The following SV2C variants were observed in gnomAD, a reference collection of about 807,000 sequenced individuals.
SV2C encodes the protein synaptic vesicle glycoprotein 2C.
In SV2C, 49 loss-of-function variants were observed where a neutral mutation model predicts 79.7. The ratio of observed to expected loss-of-function variants is 0.61; its 90% CI spans 0.49 to 0.78. SV2C has a LOEUF of 0.78. SV2C is among the 30% of genes least tolerant of loss of function. The probability of loss-of-function intolerance (pLI) is 0.00; values close to 1 mark genes in which losing one functional copy is unlikely to be tolerated. For synonymous variants in SV2C, 334 were observed against 333.2 expected (o/e 1.00, Z -0.03); for missense variants, 833 against 912.9 (o/e 0.91, Z 1.13).
chr5:75,933,769 C>G, the SV2C span, among the ~76,000 whole-genome samples: 2 of 152,196 alleles, frequency 1.3e-5, no homozygotes, highest in Non-Finnish European at 2.9e-5. Flanking sequence ...GCAGCCTGCT[C>G]CAGTTTTCTG....
the SV2C span, among the ~76,000 whole-genome samples, chr5:75,872,550 A>G: frequency 4.2e-4 from 64 of 152,258 alleles, no homozygotes; most frequent in Non-Finnish European, 7.1e-4. Context: ...GAATTGACAA[A>G]CTAGAAAAAG....
At chr5:76,167,060 T>A (rs1225395866) in intron 2 of SV2C, among the ~76,000 whole-genome samples, 1 of 152,182 alleles carries the variant, frequency 6.6e-6, no homozygotes, top group Non-Finnish European at 1.5e-5. Context: ...CTGACACAAT[T>A]ACATAGTGAT....
the SV2C span, among the ~76,000 whole-genome samples, chr5:75,848,757 T>C: frequency 6.6e-6 from 1 of 152,118 alleles, no homozygotes; most frequent in Non-Finnish European, 1.5e-5. Flanking sequence ...TTGGAACATA[T>C]ATCCTATATG....
intron 2 of SV2C, among the ~76,000 whole-genome samples, chr5:76,141,679 C>T (rs1335164624): frequency 6.6e-6 from 1 of 151,734 alleles, no homozygotes; most frequent in Non-Finnish European, 1.5e-5. Context: ...CAAAAATTAG[C>T]CAGGCGTGGT....
chr5:76,248,428 C>T (rs1192872797), intron 4 of SV2C, among the ~76,000 whole-genome samples: 3 of 152,108 alleles, frequency 2.0e-5, no homozygotes. Context: ...ATAAGGACAC[C>T]AGTCGTATTG....
the SV2C span, among the ~76,000 whole-genome samples, chr5:75,931,917 A>G: frequency 3.3e-5 from 5 of 152,098 alleles, no homozygotes; most frequent in African/African-American, 1.2e-4. Context: ...TCCTAGCCAC[A>G]GCATCCGGCA....
At chr5:75,959,998 T>C in the SV2C span, among the ~76,000 whole-genome samples, 2 of 151,956 alleles carry the variant, frequency 1.3e-5, no homozygotes, top group South Asian at 4.2e-4. Context: ...TAGTGAAAAA[T>C]GATATTCAGC....
chr5:75,968,502 C>G, the SV2C span, among the ~76,000 whole-genome samples: 2 of 152,166 alleles, frequency 1.3e-5, no homozygotes, highest in Non-Finnish European at 2.9e-5. Flanking sequence ...GAGCTGAAAA[C>G]CACAGCAAGA....
the SV2C span, among the ~76,000 whole-genome samples, chr5:76,006,314 G>A: frequency 2.0e-4 from 30 of 152,060 alleles, no homozygotes; most frequent in African/African-American, 5.1e-4. Flanking sequence ...GTGAATTTCC[G>A]TGGTCTCTTT....
At chr5:75,872,085 T>C in the SV2C span, among the ~76,000 whole-genome samples, 1 of 143,158 alleles carries the variant, frequency 7.0e-6, no homozygotes, top group South Asian at 2.1e-4. Flanking sequence ...ATATATATGA[T>C]AATATATATG....
intron 6 of SV2C, 36 bp from the exon 7 acceptor site, chr5:76,291,185 A>G: frequency 1.3e-6 from 2 of 1,520,006 alleles, no homozygotes; most frequent in Non-Finnish European, 1.8e-6. Context: ...ACTTCAGAGA[A>G]GGTAACTTAG....
At chr5:76,192,663 T>A (rs1378486447) in intron 2 of SV2C, among the ~76,000 whole-genome samples, 1 of 152,228 alleles carries the variant, frequency 6.6e-6, no homozygotes, top group Non-Finnish European at 1.5e-5. Flanking sequence ...TTGGCTTTAA[T>A]TAGATCACAC....
At chr5:76,242,238 C>A (rs917939953) in intron 4 of SV2C, 6 of 1,020,216 alleles carry the variant, frequency 5.9e-6, no homozygotes, top group Non-Finnish European at 7.7e-6. Context: ...CTCTGTGGTT[C>A]GTCCTTCACC....
At chr5:76,273,160 TATATATATATAC>T (rs201284131) in intron 4 of SV2C, among the ~76,000 whole-genome samples, 2 of 142,870 alleles carry the variant, frequency 1.4e-5, no homozygotes. Flanking sequence ...TATATATATA[TATATATATATAC>T]ACACATATAT....
the SV2C span, among the ~76,000 whole-genome samples, chr5:75,956,099 A>G: frequency 7.0e-6 from 1 of 142,850 alleles, no homozygotes; most frequent in African/African-American, 2.6e-5. Flanking sequence ...ATGCACACGT[A>G]TGTTTATTGC....
chr5:75,878,446 A>G, the SV2C span, among the ~76,000 whole-genome samples: 93 of 152,296 alleles, frequency 6.1e-4, 2 homozygotes, highest in East Asian at 0.015. Context: ...ACTGTGTAGT[A>G]AAAGACTGAC....
chr5:75,986,242 G>T, the SV2C span, among the ~76,000 whole-genome samples: 1 of 151,606 alleles, frequency 6.6e-6, no homozygotes, highest in African/African-American at 2.4e-5. Flanking sequence ...CTTGAGATGG[G>T]GAGATAAGCC....
chr5:76,028,714 C>G, the SV2C span, among the ~76,000 whole-genome samples: 170 of 152,290 alleles, frequency 1.1e-3, no homozygotes, highest in Non-Finnish European at 2.2e-3. Context: ...TCAGCTTTAG[C>G]ACTGCAGACA....
In SV2C at chr5:76,085,826, T is replaced by TACACACACACACACACACACACACAC. The variant is rs34074817; in HGVS notation, c.-102+2322_-102+2347dup. Among the ~76,000 whole-genome samples the TACACACACACACACACACACACACAC allele has an allele frequency of 1.5e-3, 220 of 141,956 alleles. 1 individual carries two copies. Among genetic ancestry groups the TACACACACACACACACACACACACAC allele is most frequent in the Non-Finnish European group, 2.3e-3 (150 of 65,422 alleles). The allele number at this position is 141,956 out of a possible 152,430, so 93.1% of individuals were successfully genotyped here. A position where few individuals can be genotyped will look rare whatever the true frequency, so the allele number is the denominator to read the frequency against. On this transcript the variant is annotated intron_variant, in intron 1 of 12. Coordinates refer to ENST00000502798, the MANE Select transcript of SV2C (RefSeq NM_014979.4). ...GGAAAATATTAGCAAACAAAGCCCC[T>TACACACACACACACACACACACACAC]ACACACACACACACACACACACACA...
Sources: allele counts gnomAD v4.1 joint callset (sites outside exome capture counted in the v4.1 genomes callset), GRCh38; gene constraint gnomAD v4.1.1; transcripts MANE v1.5; gene names NCBI Gene and HGNC (gene_info 2026-07-23, HGNC 2026-07-21).